Variants in FAM168B observed in about 807,000 individuals in gnomAD.
FAM168B encodes the protein family with sequence similarity 168 member B, also known as myelin-associated neurite-outgrowth inhibitor.
In FAM168B, 19 loss-of-function variants were observed where a neutral mutation model predicts 21.8. The ratio of observed to expected loss-of-function variants is 0.87; its 90% CI spans 0.61 to 1.28. The LOEUF (loss-of-function observed/expected upper bound fraction) is 1.28. FAM168B is among the 50% of genes most tolerant of loss of function. FAM168B has a pLI of 0.00. For synonymous variants in FAM168B, 126 were observed against 104.8 expected, an observed-to-expected ratio of 1.20 and a Z score of -1.24; for missense variants, 233 against 263.1, an observed-to-expected ratio of 0.89 and a Z score of 0.79.
rs1691519746 is a variant in FAM168B at position 131,049,545 on chromosome 2, C to T, written c.*2920G>A. Reference sequence around the variant, plus strand: ...ATGGGTCACTGGCTCACACTAAATGCTCAGCCGCCAGCACAGATCCAAACA... The same window carrying T: ...ATGGGTCACTGGCTCACACTAAATGTTCAGCCGCCAGCACAGATCCAAACA... On this transcript the variant is annotated 3_prime_UTR_variant, in exon 7 of 7. Transcript: ENST00000389915. The T allele has an allele frequency of 1.0e-6, 1 of 985,492 alleles. No homozygotes were observed. The highest frequency in any genetic ancestry group is 1.2e-6 in the Non-Finnish European group (1 of 829,954). The allele number at this position is 985,492 out of a possible 1,614,324, so 61.0% of individuals were successfully genotyped here.
chr2:131,084,296 T>C (rs1338784832), intron 1 of FAM168B, among the ~76,000 whole-genome samples: 1 of 151,062 alleles, frequency 6.6e-6, no homozygotes. Flanking sequence ...TTCAAGTGAT[T>C]ATCCCACCTC....
chr2:131,062,678 T>A (rs1268281026), intron 3 of FAM168B, among the ~76,000 whole-genome samples: 1 of 152,154 alleles, frequency 6.6e-6, no homozygotes, highest in African/African-American at 2.4e-5. Flanking sequence ...GAAGTCCTGA[T>A]CTCAAGTGAT....
At position 131,049,240 on chromosome 2, in the gene FAM168B, C is replaced by T. The variant is rs74465372; in HGVS notation, c.*3225G>A. Reference sequence around the variant, plus strand: ...CTCATTCATCACAGCCAGATGATGCCACCAGAAAGAGCAAGGTACTGTATG... The same window carrying T: ...CTCATTCATCACAGCCAGATGATGCTACCAGAAAGAGCAAGGTACTGTATG... On this transcript the variant is annotated 3_prime_UTR_variant, in exon 7 of 7. Coordinates refer to ENST00000389915, the MANE Select transcript of FAM168B (RefSeq NM_001009993.4). The T allele has an allele frequency of 3.4e-3, 3,322 of 985,394 alleles. 77 individuals are homozygous for T. The African/African-American group carries it at 0.054, about 16-fold the overall frequency. 61.0% of individuals were successfully genotyped at this position (985,394 alleles called of 1,614,324 possible). A position where few individuals can be genotyped will look rare whatever the true frequency, so the allele number is the denominator to read the frequency against.
chr2:131,092,884 C>T (rs1694105554), intron 1 of FAM168B, among the ~76,000 whole-genome samples: 1 of 152,158 alleles, frequency 6.6e-6, no homozygotes, highest in Non-Finnish European at 1.5e-5. Context: ...TGACTATTGT[C>T]ACAAAGCTCT....
chr2:131,091,334 C>T (rs1319387550), intron 1 of FAM168B, among the ~76,000 whole-genome samples: 1 of 142,950 alleles, frequency 7.0e-6, no homozygotes, highest in South Asian at 2.2e-4. Context: ...ACAAAACTGT[C>T]TCAAAAAAAT....
intron 1 of FAM168B, among the ~76,000 whole-genome samples, chr2:131,091,288 G>C (rs1423137422): frequency 1.3e-5 from 2 of 151,828 alleles, no homozygotes; most frequent in Non-Finnish European, 2.9e-5. Flanking sequence ...GCAGTGAGCC[G>C]AGATCACTCC....
intron 2 of FAM168B, among the ~76,000 whole-genome samples, chr2:131,078,986 C>G (rs925112196): frequency 2.1e-5 from 2 of 93,932 alleles, no homozygotes; most frequent in African/African-American, 8.2e-5. Flanking sequence ...GACCCTTTCA[C>G]AAAAAAAAAA....
At position 131,077,574 on chromosome 2, in the gene FAM168B, G is replaced by C. The variant is rs1693222057; in HGVS notation, c.70+5003C>G. Among the ~76,000 whole-genome samples the C allele has an allele frequency of 4.6e-5, 7 of 152,324 alleles. No individual in the cohort carries two copies. The South Asian group carries it at 1.4e-3, about 32-fold the overall frequency. ...TCCATCCCAGTGTCCACTACCATTT[G>C]TGGAACAAAGGAGAAATTAGGATCT... is the stretch of plus-strand genomic sequence containing the variant. On this transcript the variant is annotated intron_variant, in intron 2 of 6. Coordinates refer to ENST00000389915, the MANE Select transcript of FAM168B (RefSeq NM_001009993.4).
At chr2:131,060,349 T>C (rs187104090) in intron 3 of FAM168B, among the ~76,000 whole-genome samples, 51 of 152,306 alleles carry the variant, frequency 3.3e-4, no homozygotes, top group African/African-American at 1.2e-3. Flanking sequence ...CCCATGTACT[T>C]GTGCTAAAGC....
chr2:131,050,417 C>G lies in FAM168B; in HGVS notation c.*2048G>C. 1.0e-6 allele frequency: 1 copy of G among 985,808 alleles called. No individual in the cohort carries two copies. The highest frequency in any genetic ancestry group is 1.2e-6 in the Non-Finnish European group (1 of 829,938). The allele number at this position is 985,808 out of a possible 1,614,324, so 61.1% of individuals were successfully genotyped here. On this transcript the variant is annotated 3_prime_UTR_variant, in exon 7 of 7. Transcript: ENST00000389915. Reference sequence around the variant, plus strand: ...CGTTAGAACCTACTAATCCTGCCAACCATCCACTAAACAGATGGAATTACC... The same window carrying G: ...CGTTAGAACCTACTAATCCTGCCAAGCATCCACTAAACAGATGGAATTACC...
At chr2:131,084,465 G>A (rs1200091782) in intron 1 of FAM168B, among the ~76,000 whole-genome samples, 1 of 151,986 alleles carries the variant, frequency 6.6e-6, no homozygotes, top group Non-Finnish European at 1.5e-5. Flanking sequence ...TTCCCGAGTA[G>A]ATGGGACTAC....
chr2:131,050,259 T>C lies in FAM168B; in HGVS notation c.*2206A>G, dbSNP rs1691576497. The C allele has an allele frequency of 1.0e-6, 1 of 985,444 alleles. No individual in the cohort carries two copies. The highest frequency in any genetic ancestry group is 1.2e-6 in the Non-Finnish European group (1 of 829,932). The allele number at this position is 985,444 out of a possible 1,614,324, so 61.0% of individuals were successfully genotyped here. On this transcript the variant is annotated 3_prime_UTR_variant, in exon 7 of 7. Transcript: ENST00000389915. Reference sequence around the variant, plus strand: ...CTCCAGCCCTCACAGGAGTTGTACATGTATGTTTCCATTTTGTTGTGTGGG... The same window carrying C: ...CTCCAGCCCTCACAGGAGTTGTACACGTATGTTTCCATTTTGTTGTGTGGG...
chr2:131,078,655 T>G (rs1693285004), intron 2 of FAM168B, among the ~76,000 whole-genome samples: 1 of 151,972 alleles, frequency 6.6e-6, no homozygotes, highest in Non-Finnish European at 1.5e-5. Context: ...GTACACGGGT[T>G]GGGGGAAATG....
intron 2 of FAM168B, among the ~76,000 whole-genome samples, chr2:131,081,993 AG>A (rs773790050): frequency 6.6e-6 from 1 of 152,210 alleles, no homozygotes; most frequent in African/African-American, 2.4e-5. Context: ...AAGTCACCGA[AG>A]GGAACAACCA....
chr2:131,093,362 G>A lies in FAM168B; in HGVS notation c.-160C>T, dbSNP rs1348091279. 1.3e-5 allele frequency: 2 copies of A among 150,628 alleles called. No individual in the cohort carries two copies. Among genetic ancestry groups the A allele is most frequent in the Non-Finnish European group, 3.0e-5 (2 of 67,450 alleles). The allele number at this position is 150,628 out of a possible 1,614,324, so 9.3% of individuals were successfully genotyped here. ...GAGCCCCGCGTCTCCGCCGCCTCCCGGACGCCGCGCTCCCGCTCGCTCGGC... is the reference window on the plus strand; with the variant it reads ...GAGCCCCGCGTCTCCGCCGCCTCCCAGACGCCGCGCTCCCGCTCGCTCGGC... On this transcript the variant is annotated 5_prime_UTR_variant, in exon 1 of 7. Coordinates refer to ENST00000389915, the MANE Select transcript of FAM168B (RefSeq NM_001009993.4).
At position 131,089,686 on chromosome 2, in the gene FAM168B, C is replaced by A. The variant is rs1358807672; in HGVS notation, c.-12+3528G>T. The stretch of plus-strand genomic sequence containing the variant: ...TGAGCCGAGATGGCGCCACTGCACT[C>A]CAGTCTGGGCAACAGAGCGAGACTC... On this transcript the variant is annotated intron_variant, in intron 1 of 6. Transcript: ENST00000389915. Among the ~76,000 whole-genome samples, 22 of 148,550 alleles carry A rather than the reference C, an allele frequency of 1.5e-4. No individual in the cohort carries two copies. In the Admixed American group the frequency reaches 1.5e-3, roughly 10 times the overall value.
At chr2:131,083,105 T>C (rs568636424) in intron 1 of FAM168B, among the ~76,000 whole-genome samples, 133 of 151,986 alleles carry the variant, frequency 8.8e-4, no homozygotes, top group South Asian at 6.2e-4. Flanking sequence ...CCTGTAATCT[T>C]AGCACTTCGG....
rs1238306359 is a variant in FAM168B at position 131,071,786 on chromosome 2, C to T, written c.154+69G>A. ...AAGTCCTAATTCTATACCCACCCCT[C>T]TCAAAATCCACCCCTTCACCTTTCT... On this transcript the variant is annotated intron_variant, in intron 3 of 6. Coordinates refer to ENST00000389915, the MANE Select transcript of FAM168B (RefSeq NM_001009993.4). 1.0e-5 allele frequency: 14 copies of T among 1,395,568 alleles called. No individual in the cohort carries two copies. The Admixed American group carries it at 1.9e-4, about 19-fold the overall frequency. 86.4% of individuals were successfully genotyped at this position (1,395,568 alleles called of 1,614,324 possible).
chr2:131,091,896 G>A (rs1315151454), intron 1 of FAM168B, among the ~76,000 whole-genome samples: 2 of 151,412 alleles, frequency 1.3e-5, no homozygotes, highest in African/African-American at 2.4e-5. Context: ...TTGGAAGGTC[G>A]AGGCGGGCGG....
Sources: gnomAD v4.1 joint callset for allele counts (sites outside exome capture counted in the v4.1 genomes callset) on GRCh38, gnomAD v4.1.1 for gene constraint, MANE v1.5 for transcripts, NCBI Gene and HGNC (gene_info 2026-07-23, HGNC 2026-07-21) for gene names.